Variants in RSRC1 observed in about 807,000 individuals in gnomAD.
RSRC1 encodes the protein arginine and serine rich coiled-coil 1.
RSRC1 carries 39 observed loss-of-function variants against 49.1 expected under a neutral mutation model. That is an observed-to-expected ratio of 0.79 (90% CI 0.61 to 1.04). The LOEUF is 1.04. Ranked by LOEUF, RSRC1 falls within the 50% of genes least tolerant of loss-of-function variation. RSRC1 has a pLI of 0.00. For synonymous variants in RSRC1, 143 were observed against 130.8 expected (o/e 1.09, Z -0.63); for missense variants, 388 against 402.4 (o/e 0.96, Z 0.31).
In RSRC1 at chr3:158,397,098, A is replaced by G. The variant is rs186703995; in HGVS notation, c.583+42190A>G. Among the ~76,000 whole-genome samples the G allele has an allele frequency of 3.3e-5, 5 of 152,318 alleles. No homozygotes were observed. The East Asian group carries it at 9.6e-4, about 29-fold the overall frequency. On this transcript the variant is annotated intron_variant, in intron 6 of 9. Transcript: ENST00000611884. ...CTAATCTTTATATTAGACTTCTAAT[A>G]CATCTAAATTCTCTTTGAATTGATT...
At chr3:158,156,370 C>T (rs1717879619) in intron 3 of RSRC1, among the ~76,000 whole-genome samples, 1 of 152,108 alleles carries the variant, frequency 6.6e-6, no homozygotes, top group East Asian at 1.9e-4. Context: ...TTCTATTCAG[C>T]CCACTCAGAT....
At chr3:158,432,215 A>G (rs1003850511) in intron 6 of RSRC1, among the ~76,000 whole-genome samples, 1 of 151,998 alleles carries the variant, frequency 6.6e-6, no homozygotes, top group African/African-American at 2.4e-5. Flanking sequence ...TTTATGAAGA[A>G]AAAATTAACT....
intron 3 of RSRC1, among the ~76,000 whole-genome samples, chr3:158,149,210 G>A (rs1428077588): frequency 6.6e-6 from 1 of 152,118 alleles, no homozygotes; most frequent in Non-Finnish European, 1.5e-5. Context: ...TTATAGTTGA[G>A]CATACTGAAT....
At chr3:158,336,250 C>T (rs746627440) in intron 5 of RSRC1, among the ~76,000 whole-genome samples, 15 of 152,226 alleles carry the variant, frequency 9.9e-5, no homozygotes, top group Non-Finnish European at 1.8e-4. Flanking sequence ...TTCATTGGTC[C>T]GGCCCCTGGC....
chr3:158,177,072 C>G (rs1017131273), intron 3 of RSRC1, among the ~76,000 whole-genome samples: 3 of 152,162 alleles, frequency 2.0e-5, no homozygotes, highest in African/African-American at 7.2e-5. Flanking sequence ...CAGAGAAATA[C>G]AAAGCAAAAC....
chr3:158,517,998 A>G (rs1740668441), intron 7 of RSRC1, among the ~76,000 whole-genome samples: 1 of 149,268 alleles, frequency 6.7e-6, no homozygotes, highest in African/African-American at 2.5e-5. Flanking sequence ...TTGAGGTCCT[A>G]GAATAAACCA....
intron 6 of RSRC1, among the ~76,000 whole-genome samples, chr3:158,365,911 C>CTT (rs202190188): frequency 1.3e-4 from 19 of 151,938 alleles, no homozygotes; most frequent in Non-Finnish European, 2.2e-4. Context: ...TGATGATGAG[C>CTT]TTTTTTTTGT....
intron 5 of RSRC1, among the ~76,000 whole-genome samples, chr3:158,340,309 G>A (rs1037440975): frequency 7.2e-5 from 11 of 152,238 alleles, no homozygotes; most frequent in Admixed American, 2.6e-4. Context: ...TTGGGAGGCC[G>A]AGGTGGGTGA....
chr3:158,213,121 T>C (rs532382920), intron 4 of RSRC1, among the ~76,000 whole-genome samples: 13 of 152,064 alleles, frequency 8.5e-5, no homozygotes, highest in African/African-American at 2.9e-4. Flanking sequence ...AACAGATATC[T>C]CTATGTTGGT....
intron 5 of RSRC1, among the ~76,000 whole-genome samples, chr3:158,340,086 G>A (rs769907615): frequency 6.6e-6 from 1 of 152,172 alleles, no homozygotes; most frequent in Admixed American, 6.5e-5. Flanking sequence ...AACTTGAATT[G>A]TATCTCCCAT....
chr3:158,534,401 G>A (rs563464414), intron 7 of RSRC1, among the ~76,000 whole-genome samples: 28 of 151,658 alleles, frequency 1.8e-4, no homozygotes, highest in East Asian at 1.4e-3. Flanking sequence ...CTCCACCTTC[G>A]TGTCAAACCA....
At chr3:158,356,283 A>G (rs1731152867) in intron 6 of RSRC1, among the ~76,000 whole-genome samples, 1 of 152,206 alleles carries the variant, frequency 6.6e-6, no homozygotes, top group Admixed American at 6.5e-5. Flanking sequence ...GATAATAGTT[A>G]TATTTTTAGG....
At chr3:158,502,187 C>T (rs776562645) in intron 7 of RSRC1, among the ~76,000 whole-genome samples, 11 of 152,262 alleles carry the variant, frequency 7.2e-5, no homozygotes, top group African/African-American at 2.6e-4. Flanking sequence ...GCTGAAGATA[C>T]GGCCCCAATC....
At chr3:158,294,504 T>C (rs1309843286) in intron 4 of RSRC1, among the ~76,000 whole-genome samples, 1 of 152,122 alleles carries the variant, frequency 6.6e-6, no homozygotes, top group African/African-American at 2.4e-5. Context: ...TTATACATCT[T>C]ACAGTTTTCC....
At chr3:158,341,392 G>C (rs1219823930) in intron 5 of RSRC1, among the ~76,000 whole-genome samples, 1 of 152,050 alleles carries the variant, frequency 6.6e-6, no homozygotes, top group East Asian at 1.9e-4. Context: ...CGTGCCCTGT[G>C]TCCCAGCCAC....
intron 1 of RSRC1, among the ~76,000 whole-genome samples, chr3:158,114,269 CTTGT>C (rs1714636077): frequency 6.6e-6 from 1 of 152,172 alleles, no homozygotes; most frequent in Admixed American, 6.5e-5. Context: ...TTCCTCATTG[CTTGT>C]TTTTGTCAGG....
At chr3:158,510,483 C>T (rs9819134) in intron 7 of RSRC1, among the ~76,000 whole-genome samples, 78,411 of 151,666 alleles carry the variant, frequency 0.52, 20,703 homozygotes, top group African/African-American at 0.62. Flanking sequence ...CCCACTTAAA[C>T]TCTTAATCCA....
chr3:158,258,002 G>C (rs902926959), intron 4 of RSRC1, among the ~76,000 whole-genome samples: 2 of 151,976 alleles, frequency 1.3e-5, no homozygotes, highest in Admixed American at 1.3e-4. Context: ...TTTACTGTCT[G>C]TGAGTTGGAA....
chr3:158,328,139 A>T (rs1013586716), intron 5 of RSRC1, among the ~76,000 whole-genome samples: 1 of 151,894 alleles, frequency 6.6e-6, no homozygotes, highest in Non-Finnish European at 1.5e-5. Flanking sequence ...TGCACATGAG[A>T]TGGGTTTCCT....
Sources: gnomAD v4.1 joint callset for allele counts (sites outside exome capture counted in the v4.1 genomes callset) on GRCh38, gnomAD v4.1.1 for gene constraint, MANE v1.5 for transcripts, NCBI Gene and HGNC (gene_info 2026-07-23, HGNC 2026-07-21) for gene names.